RBFOX1: variants seen among roughly 807,000 people sequenced by gnomAD.
The protein encoded by RBFOX1 is RNA binding protein fox-1 homolog 1.
RBFOX1 carries 8 observed loss-of-function variants against 57.7 expected under a neutral mutation model. That is an observed-to-expected ratio of 0.14 (90% CI 0.08 to 0.25). RBFOX1 has a LOEUF of 0.25. Among genes scored for constraint, RBFOX1 ranks in the 10% least tolerant of loss-of-function variants. The pLI, the probability that RBFOX1 is intolerant of heterozygous loss-of-function variation, is 1.00. For synonymous variants in RBFOX1, 326 were observed against 222.4 expected (o/e 1.47, Z -4.15); for missense variants, 611 against 548.5 (o/e 1.11, Z -1.14).
intron 1 of RBFOX1, among the ~76,000 whole-genome samples, chr16:6,030,779 C>A (rs1280904969): frequency 6.6e-6 from 1 of 152,132 alleles, no homozygotes; most frequent in African/African-American, 2.4e-5. Flanking sequence ...TTATTTTCTC[C>A]TTTTAAAAAA....
chr16:7,085,534 G>A (rs567416979), intron 4 of RBFOX1, among the ~76,000 whole-genome samples: 3 of 152,244 alleles, frequency 2.0e-5, no homozygotes, highest in East Asian at 3.9e-4. Context: ...CCTCCACAGA[G>A]ATAGATACAG....
At chr16:7,032,919 C>A (rs890238021) in intron 3 of RBFOX1, among the ~76,000 whole-genome samples, 4 of 152,158 alleles carry the variant, frequency 2.6e-5, no homozygotes, top group African/African-American at 4.8e-5. Flanking sequence ...GGGAAGGAGG[C>A]TTTTCCTGGC....
intron 2 of RBFOX1, among the ~76,000 whole-genome samples, chr16:5,485,804 C>T (rs545705945): frequency 9.2e-5 from 14 of 152,316 alleles, no homozygotes; most frequent in South Asian, 2.1e-4. Flanking sequence ...AGCACAAGAA[C>T]GACCATGGGT....
intron 5 of RBFOX1, among the ~76,000 whole-genome samples, chr16:7,556,248 A>G (rs1011315360): frequency 6.6e-6 from 1 of 152,180 alleles, no homozygotes; most frequent in African/African-American, 2.4e-5. Context: ...CTGAGAGCCC[A>G]GATTCGAACT....
At chr16:5,767,371 A>G (rs1865814) in intron 3 of RBFOX1, among the ~76,000 whole-genome samples, 1 of 152,274 alleles carries the variant, frequency 6.6e-6, no homozygotes, top group African/African-American at 2.4e-5. Context: ...CTCCACAGAA[A>G]TTCATTAACT....
intron 1 of RBFOX1, among the ~76,000 whole-genome samples, chr16:6,235,172 C>T (rs1204766284): frequency 6.6e-6 from 1 of 152,148 alleles, no homozygotes; most frequent in African/African-American, 2.4e-5. Context: ...GCTCTTCTTG[C>T]ATTCTAAGAG....
intron 1 of RBFOX1, among the ~76,000 whole-genome samples, chr16:6,126,687 A>G (rs907748894): frequency 3.3e-5 from 5 of 152,250 alleles, no homozygotes; most frequent in Middle Eastern, 3.4e-3. Flanking sequence ...GGTTTTCACT[A>G]GAGCAGGTTT....
intron 3 of RBFOX1, among the ~76,000 whole-genome samples, chr16:6,928,801 T>G (rs540890012): frequency 2.0e-5 from 3 of 152,164 alleles, no homozygotes; most frequent in South Asian, 2.1e-4. Flanking sequence ...AAAAGACATA[T>G]GCACACAGAA....
At chr16:5,850,810 G>T (rs191710200) in intron 3 of RBFOX1, among the ~76,000 whole-genome samples, 3 of 152,312 alleles carry the variant, frequency 2.0e-5, no homozygotes, top group African/African-American at 7.2e-5. Flanking sequence ...AAAGGGCCCC[G>T]GGCCAGGTGT....
At chr16:7,384,227 A>T (rs962350352) in intron 4 of RBFOX1, among the ~76,000 whole-genome samples, 8 of 151,918 alleles carry the variant, frequency 5.3e-5, no homozygotes, top group Admixed American at 5.2e-4. Flanking sequence ...AAATATATAT[A>T]TGAATATGAA....
intron 4 of RBFOX1, among the ~76,000 whole-genome samples, chr16:7,439,664 C>T (rs192914354): frequency 3.9e-5 from 6 of 152,300 alleles, no homozygotes; most frequent in African/African-American, 1.4e-4. Flanking sequence ...GATTAAATAA[C>T]TGTTTTAAAG....
intron 2 of RBFOX1, among the ~76,000 whole-genome samples, chr16:6,423,319 C>T (rs571845726): frequency 6.6e-6 from 1 of 152,276 alleles, no homozygotes; most frequent in African/African-American, 2.4e-5. Context: ...GTCTTCCTGA[C>T]CAGGCGTGGT....
At chr16:7,057,177 C>G (rs1470270789) in intron 4 of RBFOX1, among the ~76,000 whole-genome samples, 1 of 152,122 alleles carries the variant, frequency 6.6e-6, no homozygotes, top group African/African-American at 2.4e-5. Context: ...ACCAAACTCC[C>G]CACAAGGAAA....
chr16:5,309,354 T>C (rs1386766580), intron 1 of RBFOX1, among the ~76,000 whole-genome samples: 1 of 152,198 alleles, frequency 6.6e-6, no homozygotes, highest in African/African-American at 2.4e-5. Flanking sequence ...TTCTCATAGA[T>C]GAAGTAGCTC....
At chr16:7,167,734 T>G (rs1382874449) in intron 4 of RBFOX1, among the ~76,000 whole-genome samples, 2 of 152,238 alleles carry the variant, frequency 1.3e-5, no homozygotes, top group Non-Finnish European at 2.9e-5. Context: ...GTAGATTTTA[T>G]TGACAGAAAC....
At chr16:7,409,088 G>C (rs924294220) in intron 4 of RBFOX1, among the ~76,000 whole-genome samples, 1 of 152,124 alleles carries the variant, frequency 6.6e-6, no homozygotes, top group African/African-American at 2.4e-5. Flanking sequence ...AGCTTTTCCC[G>C]ATAACCCTGA....
intron 3 of RBFOX1, among the ~76,000 whole-genome samples, chr16:6,812,610 C>G (rs2088990375): frequency 6.6e-6 from 1 of 152,130 alleles, no homozygotes. Flanking sequence ...CTCCTGACCT[C>G]AATTGATCCA....
intron 4 of RBFOX1, among the ~76,000 whole-genome samples, chr16:5,934,482 G>A (rs1202101739): frequency 6.6e-6 from 1 of 152,166 alleles, no homozygotes; most frequent in Admixed American, 6.5e-5. Flanking sequence ...TGAATTACAA[G>A]ACATCAGAGT....
intron 3 of RBFOX1, among the ~76,000 whole-genome samples, chr16:5,640,531 TACAC>T (rs765314766): frequency 6.8e-6 from 1 of 146,440 alleles, no homozygotes; most frequent in African/African-American, 2.5e-5. Context: ...CACATGCACA[TACAC>T]ACATGCACAT....
Sources: gnomAD v4.1 joint callset for allele counts (sites outside exome capture counted in the v4.1 genomes callset) on GRCh38, gnomAD v4.1.1 for gene constraint, MANE v1.5 for transcripts, NCBI Gene and HGNC (gene_info 2026-07-23, HGNC 2026-07-21) for gene names.